CLCN1: variants seen among roughly 807,000 people sequenced by gnomAD.
The protein encoded by CLCN1 is chloride voltage-gated channel 1, also known as chloride channel protein 1.
Under a neutral mutation model 114.5 loss-of-function variants are expected in CLCN1, and 100 were observed. The ratio of observed to expected loss-of-function variants is 0.87; its 90% CI spans 0.74 to 1.03. CLCN1 has a LOEUF of 1.03. Ranked by LOEUF, CLCN1 falls within the 50% of genes least tolerant of loss-of-function variation. The pLI is 0.00. For synonymous variants in CLCN1, 485 were observed against 487.1 expected (o/e 1.00, Z 0.06); for missense variants, 1,188 against 1,250.0 (o/e 0.95, Z 0.75).
At chr7:143,331,693 T>G (rs1413443257) in intron 10 of CLCN1, 41 bp downstream of exon 10, 7 of 1,411,824 alleles carry the variant, frequency 5.0e-6, no homozygotes, top group Admixed American at 3.3e-5. Context: ...ATTTACTTTC[T>G]GGTTTCTCCA....
rs1455282239 is a variant in CLCN1, at chr7:143,351,945, G to A, written c.2947G>A (p.Glu983Lys). The change falls in exon 23 of 23, where the codon GAG becomes AAG. Residue 983 changes from glutamate (E) to lysine (K), a missense_variant. Physicochemically the swap from Glu to Lys is moderately conservative, Grantham distance 56. Transcript: ENST00000343257. ...PSLRSTDEEDEDELIL is the reference protein window; with the variant it reads ...PSLRSTDEEDKDELIL ...CCTGCGATCCACAGACGAGGAGGAT[G>A]AGGATGAACTGATCCTTTGACCCCC... is the stretch of plus-strand genomic sequence containing the variant. The A allele has an allele frequency of 6.2e-7, 1 of 1,613,090 alleles. No individual in the cohort carries two copies. Among genetic ancestry groups the A allele is most frequent in the East Asian group, 2.2e-5 (1 of 44,884 alleles).
In CLCN1 at chr7:143,351,676, C is replaced by T; in HGVS notation, c.2678C>T (p.Thr893Ile). Residue 893 changes from threonine to isoleucine, a missense_variant, in exon 23 of 23, where the codon ACT becomes ATT. Physicochemically the swap from Thr to Ile is moderately conservative, Grantham distance 89. Coordinates refer to ENST00000343257, the MANE Select transcript of CLCN1 (RefSeq NM_000083.3). ...GCCAGCTTCCGGAACACGACTTCAA[C>T]TCGAAAGAGTACCGGGGCACCTCCA... ...PLASFRNTTS[T>I]RKSTGAPPSS... is the part of the protein sequence containing the mutation. 3.1e-6 allele frequency: 5 copies of T among 1,614,192 alleles called. No individual in the cohort carries two copies. The highest frequency in any genetic ancestry group is 4.2e-6 in the Non-Finnish European group (5 of 1,180,046).
chr7:143,346,890 A>G (rs1311447848), intron 19 of CLCN1, 21 bp from the exon 20 acceptor site: 2 of 1,611,672 alleles, frequency 1.2e-6, no homozygotes, highest in African/African-American at 2.7e-5. Flanking sequence ...AAGAACTTGG[A>G]CCTATGTCTT....
chr7:143,348,098 C>T (rs1402441985), intron 20 of CLCN1, among the ~76,000 whole-genome samples: 7 of 152,058 alleles, frequency 4.6e-5, no homozygotes, highest in Non-Finnish European at 8.8e-5. Flanking sequence ...TATTGGATAT[C>T]CAGAATAAAT....
At chr7:143,344,714 C>T (rs1803178708) in intron 16 of CLCN1, among the ~76,000 whole-genome samples, 2 of 148,308 alleles carry the variant, frequency 1.3e-5, no homozygotes, top group South Asian at 4.2e-4. Flanking sequence ...AAAAGACCTT[C>T]TCAGGAAAAG....
intron 22 of CLCN1, 44 bp from the exon 23 acceptor site, chr7:143,351,550 T>G: frequency 6.2e-7 from 1 of 1,607,530 alleles, no homozygotes; most frequent in Non-Finnish European, 8.5e-7. Context: ...TCTTTTTTCT[T>G]TTTCCAACTT....
chr7:143,339,437 G>T lies in CLCN1; in HGVS notation c.1472-74G>T. On this transcript the variant is annotated intron_variant, in intron 13 of 22. Transcript: ENST00000343257. The surrounding 1 kb of genome is among the most constrained non-coding windows in gnomAD (Gnocchi z 4.1). ...TATATTTGTTCTTAATGCCCAAGGA[G>T]AGATTGGTTCTGAAAACTGAGAGCA... 6 of 1,386,602 alleles carry T rather than the reference G, an allele frequency of 4.3e-6. No homozygotes were observed. The highest frequency in any genetic ancestry group is 6.2e-6 in the Non-Finnish European group (6 of 972,752). 85.9% of individuals were successfully genotyped at this position (1,386,602 alleles called of 1,614,324 possible).
rs1802523481 is a variant in CLCN1 at position 143,324,294 on chromosome 7, A to G, written c.775-120A>G. 3.9e-6 allele frequency: 3 copies of G among 775,066 alleles called. No homozygotes were observed. In the East Asian group the frequency reaches 7.4e-5, roughly 19 times the overall value. The allele number at this position is 775,066 out of a possible 1,614,324, so 48.0% of individuals were successfully genotyped here. A position where few individuals can be genotyped will look rare whatever the true frequency, so the allele number is the denominator to read the frequency against. ...GAATCACAGGGGACATGGGACCACA[A>G]GGACTCCTTTTGACTTAGGCCTCTC... On this transcript the variant is annotated intron_variant, in intron 6 of 22. Coordinates refer to ENST00000343257, the MANE Select transcript of CLCN1 (RefSeq NM_000083.3). The surrounding 1 kb of genome is among the most constrained non-coding windows in gnomAD (Gnocchi z 4.6).
intron 1 of CLCN1, among the ~76,000 whole-genome samples, chr7:143,317,434 A>G (rs1190990859): frequency 6.6e-6 from 1 of 152,056 alleles, no homozygotes; most frequent in Non-Finnish European, 1.5e-5. Context: ...CTTTCAGTAG[A>G]GACGGGGTTT....
Position 143,321,753 on chromosome 7 carries a change from G to T in CLCN1, c.601G>T (p.Val201Phe), listed in dbSNP as rs769612798. ...IPEMKTILRG[V>F]VLKEYLTMKA... ...CGAAATGAAGACAATACTTCGTGGG[G>T]TTGTCCTGAAGGAATACCTCACAAT... Residue 201 changes from valine to phenylalanine, a missense_variant, in exon 5 of 23, where the codon GTT (valine) becomes TTT (phenylalanine). Transcript: ENST00000343257. The surrounding 1 kb of genome is among the most constrained non-coding windows in gnomAD (Gnocchi z 4.2). The T allele has an allele frequency of 6.2e-7, 1 of 1,614,228 alleles. No homozygotes were observed. The highest frequency in any genetic ancestry group is 8.5e-7 in the Non-Finnish European group (1 of 1,180,030).
intron 20 of CLCN1, among the ~76,000 whole-genome samples, chr7:143,348,015 C>T (rs6464543): frequency 0.89 from 134,738 of 152,170 alleles, 59,810 homozygotes; most frequent in African/African-American, 0.94. Context: ...CTGCAAACGC[C>T]GAAAACGTAA....
intron 20 of CLCN1, 30 bp downstream of exon 20, chr7:143,346,979 GATTGTTCT>G: frequency 6.3e-7 from 1 of 1,587,586 alleles, no homozygotes; most frequent in Non-Finnish European, 8.7e-7. Flanking sequence ...ACCTGGGGTG[GATTGTTCT>G]ATCAAATGAA....
intron 7 of CLCN1, among the ~76,000 whole-genome samples, chr7:143,326,209 G>T (rs1391560057): frequency 7.5e-6 from 1 of 132,896 alleles, no homozygotes; most frequent in South Asian, 2.3e-4. Flanking sequence ...GTAGAGACAG[G>T]GTTTAACCAT....
chr7:143,316,123 G>A lies in CLCN1; in HGVS notation c.-90G>A. 9.2e-7 allele frequency: 1 copy of A among 1,081,218 alleles called. No individual in the cohort carries two copies. The highest frequency in any genetic ancestry group is 1.3e-5 in the South Asian group (1 of 79,994). The allele number at this position is 1,081,218 out of a possible 1,614,324, so 67.0% of individuals were successfully genotyped here. On this transcript the variant is annotated 5_prime_UTR_variant, in exon 1 of 23. Transcript: ENST00000343257. ...GGCATGCTGCCCCAGACGCCTTGGG[G>A]ACAGCAAGAGCAGAGGCTTAAGGAG...
rs777210634 is a variant in CLCN1 at position 143,316,114 on chromosome 7, C to A, written c.-99C>A. On this transcript the variant is annotated 5_prime_UTR_variant, in exon 1 of 23. Transcript: ENST00000343257. ...CTGGAGGTGGGCATGCTGCCCCAGA[C>A]GCCTTGGGGACAGCAAGAGCAGAGG... 7.4e-6 allele frequency: 7 copies of A among 948,410 alleles called. No individual in the cohort carries two copies. The East Asian group carries it at 1.2e-4, about 17-fold the overall frequency. The allele number at this position is 948,410 out of a possible 1,614,324, so 58.7% of individuals were successfully genotyped here. A position where few individuals can be genotyped will look rare whatever the true frequency, so the allele number is the denominator to read the frequency against.
intron 17 of CLCN1, 79 bp downstream of exon 17, chr7:143,345,841 G>GGGCTT: frequency 6.4e-7 from 1 of 1,552,684 alleles, no homozygotes; most frequent in Non-Finnish European, 8.8e-7. Flanking sequence ...GGGCTGGGCT[G>GGGCTT]GGCTGGGACA....
chr7:143,330,635 A>C (rs1256174463), intron 7 of CLCN1, 137 bp from the exon 8 acceptor site: 2 of 1,157,968 alleles, frequency 1.7e-6, no homozygotes, highest in Non-Finnish European at 2.5e-6. Flanking sequence ...ATGGGAATCC[A>C]AGAGATCATT....
chr7:143,328,293 C>G (rs571264133), intron 7 of CLCN1, among the ~76,000 whole-genome samples: 1 of 152,154 alleles, frequency 6.6e-6, no homozygotes, highest in African/African-American at 2.4e-5. Context: ...GTAGGAGGAG[C>G]AGGAGACCAA....
chr7:143,335,513 C>G (rs1023190238), intron 12 of CLCN1, among the ~76,000 whole-genome samples: 2 of 152,172 alleles, frequency 1.3e-5, no homozygotes, highest in African/African-American at 4.8e-5. Context: ...TAACCATACT[C>G]TTATTTTTTA....
Sources: gnomAD v4.1 joint callset for allele counts (sites outside exome capture counted in the v4.1 genomes callset) on GRCh38, gnomAD v4.1.1 for gene constraint, Gnocchi (gnomAD v3.1) non-coding constraint, MANE v1.5 for transcripts, NCBI Gene and HGNC (gene_info 2026-07-23, HGNC 2026-07-21) for gene names.